Variants in ATF2 observed in about 807,000 individuals in gnomAD.
The protein encoded by ATF2 is activating transcription factor 2, also known as cyclic AMP-dependent transcription factor ATF-2.
In ATF2, 24 loss-of-function variants were observed where a neutral mutation model predicts 60.6. The ratio of observed to expected loss-of-function variants is 0.40; its 90% CI spans 0.29 to 0.56. The LOEUF (loss-of-function observed/expected upper bound fraction) is 0.56, where lower values mean the gene tolerates loss of function less well. Ranked by LOEUF, ATF2 falls within the 20% of genes least tolerant of loss-of-function variation. The pLI is 0.54. For synonymous variants in ATF2, 206 were observed against 215.4 expected (o/e 0.96, Z 0.38); for missense variants, 433 against 607.7 (o/e 0.71, Z 3.02).
intron 12 of ATF2, among the ~76,000 whole-genome samples, chr2:175,090,271 G>T (rs1694456017): frequency 6.6e-6 from 1 of 152,016 alleles, no homozygotes; most frequent in Non-Finnish European, 1.5e-5. Context: ...TCTGATGTTT[G>T]TTCTATATTC....
intron 3 of ATF2, 69 bp from the exon 4 acceptor site, chr2:175,130,276 C>A: frequency 2.9e-6 from 3 of 1,017,330 alleles, no homozygotes; most frequent in South Asian, 2.3e-5. Flanking sequence ...ATATAAATCT[C>A]AAGATTTTTC....
chr2:175,160,881 T>C (rs1266603645), intron 1 of ATF2, among the ~76,000 whole-genome samples: 3 of 151,896 alleles, frequency 2.0e-5, no homozygotes, highest in Non-Finnish European at 2.9e-5. Context: ...TCTACAAAAA[T>C]TTAAAAACTA....
At chr2:175,102,086 T>G (rs1372299573) in intron 10 of ATF2, among the ~76,000 whole-genome samples, 2 of 151,896 alleles carry the variant, frequency 1.3e-5, no homozygotes, top group Non-Finnish European at 2.9e-5. Context: ...AAAAAAAAAA[T>G]CAATGAAAAC....
At chr2:175,148,046 C>G (rs1480728653) in intron 2 of ATF2, 1 of 150,850 alleles carries the variant, frequency 6.6e-6, no homozygotes, top group African/African-American at 2.4e-5. Context: ...ATTTTAGGAC[C>G]GGTAGACATT....
At chr2:175,110,957 A>G (rs1042266045) in intron 10 of ATF2, among the ~76,000 whole-genome samples, 1 of 152,166 alleles carries the variant, frequency 6.6e-6, no homozygotes, top group African/African-American at 2.4e-5. Context: ...AGAAAATTAG[A>G]ACGTTTATAG....
rs546908126 is a variant in ATF2 at position 175,165,731 on chromosome 2, G to A, written c.-143+2319C>T. Reference sequence around the variant, plus strand: ...GTCGCCCAGGTTGGAGTGCAGTGGCGCCATCTCGGCTCACTGCAACCTCCG... The same window carrying A: ...GTCGCCCAGGTTGGAGTGCAGTGGCACCATCTCGGCTCACTGCAACCTCCG... On this transcript the variant is annotated intron_variant, in intron 1 of 13. Coordinates refer to ENST00000264110, the MANE Select transcript of ATF2 (RefSeq NM_001880.4). Among the ~76,000 whole-genome samples, 564 of 152,236 alleles carry A rather than the reference G, an allele frequency of 3.7e-3. 3 individuals are homozygous for A. Among genetic ancestry groups the A allele is most frequent in the Non-Finnish European group, 5.4e-3 (368 of 68,022 alleles).
chr2:175,083,949 T>C (rs1321497407), intron 12 of ATF2, among the ~76,000 whole-genome samples: 1 of 152,086 alleles, frequency 6.6e-6, no homozygotes, highest in Non-Finnish European at 1.5e-5. Context: ...TGAGATACCA[T>C]CTCACACCAA....
At chr2:175,117,570 T>C (rs1012825906) in intron 7 of ATF2, among the ~76,000 whole-genome samples, 1 of 151,954 alleles carries the variant, frequency 6.6e-6, no homozygotes, top group African/African-American at 2.4e-5. Context: ...ATCGTCCTAA[T>C]TGCCGCTAAC....
At chr2:175,087,908 A>C (rs1276623754) in intron 12 of ATF2, among the ~76,000 whole-genome samples, 3 of 152,170 alleles carry the variant, frequency 2.0e-5, no homozygotes, top group African/African-American at 7.2e-5. Flanking sequence ...CACTTTAATT[A>C]CTTGTTTCAT....
At chr2:175,136,510 CT>C in intron 2 of ATF2, 24 bp from the exon 3 acceptor site, 5 of 1,426,668 alleles carry the variant, frequency 3.5e-6, no homozygotes, top group Non-Finnish European at 4.9e-6. Flanking sequence ...TGGTTTCACA[CT>C]GTTAAAAATA....
Position 175,074,752 on chromosome 2 carries a change from T to C in ATF2, c.1375A>G (p.Thr459Ala), listed in dbSNP as rs759627533. ...TEAIQHSSVSTSNGVSSTSKA... is the reference protein window; with the variant it reads ...TEAIQHSSVSASNGVSSTSKA... ...GAGGTTGAACTGACTCCATTGGATG[T>C]GCTGACCGAACTATGCTGTATAGCT... is the stretch of plus-strand genomic sequence containing the variant. Residue 459 changes from threonine (T) to alanine (A), a missense_variant, in exon 14 of 14, where the codon ACA becomes GCA. Thr to Ala is a moderately conservative substitution (Grantham distance 58). This residue lies in a region of ATF2 where 114 missense variants were observed against 104.0 expected (regional missense o/e 1.10). Coordinates refer to ENST00000264110, the MANE Select transcript of ATF2 (RefSeq NM_001880.4). The C allele has an allele frequency of 1.9e-6, 3 of 1,613,612 alleles. No homozygotes were observed. Among genetic ancestry groups the C allele is most frequent in the East Asian group, 4.5e-5 (2 of 44,868 alleles).
At chr2:175,109,696 T>C (rs2541066) in intron 10 of ATF2, among the ~76,000 whole-genome samples, 15,317 of 152,248 alleles carry the variant, frequency 0.1, 871 homozygotes, top group Middle Eastern at 0.18. Context: ...CCTTTTAATA[T>C]CTATATCTGC....
intron 1 of ATF2, among the ~76,000 whole-genome samples, chr2:175,163,543 G>C (rs974514267): frequency 1.3e-5 from 2 of 152,042 alleles, no homozygotes; most frequent in Admixed American, 6.5e-5. Flanking sequence ...TTAAGATACA[G>C]AATGCAAATA....
At chr2:175,152,504 A>G (rs939205907) in intron 1 of ATF2, among the ~76,000 whole-genome samples, 1 of 152,160 alleles carries the variant, frequency 6.6e-6, no homozygotes, top group Non-Finnish European at 1.5e-5. Flanking sequence ...CGCATTAAGA[A>G]AAGGCACAAT....
At chr2:175,163,707 GC>G (rs1170423888) in intron 1 of ATF2, among the ~76,000 whole-genome samples, 12 of 150,948 alleles carry the variant, frequency 7.9e-5, no homozygotes, top group Admixed American at 1.3e-4. Context: ...ACTTTGGGAG[GC>G]CGAGGCAGGT....
rs1398327421 is a variant in ATF2, at chr2:175,097,608, C to A, written c.829-15G>T. ...GCTTTTAATCTCTGCAATGCAAACA[C>A]CATTAAAAATTTTTTTTAAGTCCTT... is the stretch of plus-strand genomic sequence containing the variant. On this transcript the variant is annotated splice_polypyrimidine_tract_variant and intron_variant, in intron 10 of 13. Transcript: ENST00000264110. 1 of 1,611,930 alleles carries A rather than the reference C, an allele frequency of 6.2e-7. No individual in the cohort carries two copies. The highest frequency in any genetic ancestry group is 8.5e-7 in the Non-Finnish European group (1 of 1,179,454).
chr2:175,115,308 G>C (rs923496232), intron 7 of ATF2, among the ~76,000 whole-genome samples: 1 of 152,076 alleles, frequency 6.6e-6, no homozygotes, highest in African/African-American at 2.4e-5. Flanking sequence ...ATACAATTAA[G>C]TAACAGAAAT....
chr2:175,079,917 TG>T (rs1270656991), intron 13 of ATF2, among the ~76,000 whole-genome samples: 4 of 152,192 alleles, frequency 2.6e-5, no homozygotes, highest in Non-Finnish European at 4.4e-5. Flanking sequence ...CTCTGTTGTT[TG>T]TTACAAATTT....
intron 3 of ATF2, among the ~76,000 whole-genome samples, chr2:175,130,854 C>T (rs1261378327): frequency 6.6e-6 from 1 of 152,164 alleles, no homozygotes; most frequent in Non-Finnish European, 1.5e-5. Context: ...ACTCTGATCT[C>T]TTTCTAAATC....
Sources: gnomAD v4.1 joint callset for allele counts (sites outside exome capture counted in the v4.1 genomes callset) on GRCh38, gnomAD v4.1.1 for gene constraint, gnomAD v4.1.1 regional missense constraint, MANE v1.5 for transcripts, NCBI Gene and HGNC (gene_info 2026-07-23, HGNC 2026-07-21) for gene names.